Variants in NLGN1 observed in about 807,000 individuals in gnomAD.
NLGN1 encodes neuroligin-1.
In NLGN1, 12 loss-of-function variants were observed where a neutral mutation model predicts 65.5. The observed-to-expected ratio is 0.18, with a 90% CI of 0.12 to 0.30. NLGN1 has a LOEUF of 0.30. Among genes scored for constraint, NLGN1 ranks in the 10% least tolerant of loss-of-function variants. The pLI, the probability that NLGN1 is intolerant of heterozygous loss-of-function variation, is 1.00. For missense variants in NLGN1, 750 were observed against 1,007.1 expected (o/e 0.74, Z 3.46); for synonymous variants, 350 against 359.5 (o/e 0.97, Z 0.30).
chr3:173,623,666 G>T (rs1005734463), intron 3 of NLGN1, among the ~76,000 whole-genome samples: 8 of 152,066 alleles, frequency 5.3e-5, no homozygotes, highest in African/African-American at 1.9e-4. Context: ...ATTGTGAAGG[G>T]CGTTGAATGC....
intron 3 of NLGN1, among the ~76,000 whole-genome samples, chr3:173,708,481 G>A (rs544076753): frequency 2.0e-5 from 3 of 152,294 alleles, no homozygotes; most frequent in South Asian, 4.1e-4. Context: ...GTCTAGGGAC[G>A]CACACTAGTA....
intron 4 of NLGN1, among the ~76,000 whole-genome samples, chr3:173,972,096 G>A (rs1019879063): frequency 3.3e-5 from 5 of 152,034 alleles, no homozygotes; most frequent in African/African-American, 9.7e-5. Context: ...ACAGGACTAC[G>A]GGGCATAAAG....
chr3:174,058,793 C>G (rs77685292), intron 4 of NLGN1, among the ~76,000 whole-genome samples: 160 of 152,008 alleles, frequency 1.1e-3, no homozygotes, highest in African/African-American at 3.6e-3. Flanking sequence ...TGTCATTTAT[C>G]TGAGATTTTT....
intron 3 of NLGN1, among the ~76,000 whole-genome samples, chr3:173,646,719 A>G (rs1027522691): frequency 6.6e-6 from 1 of 152,202 alleles, no homozygotes; most frequent in Non-Finnish European, 1.5e-5. Flanking sequence ...AAAAAAGGAT[A>G]CAAAATGGAA....
chr3:173,616,951 T>C (rs748101319), intron 3 of NLGN1, among the ~76,000 whole-genome samples: 3 of 152,200 alleles, frequency 2.0e-5, no homozygotes, highest in Admixed American at 1.3e-4. Flanking sequence ...CTCTACGTAG[T>C]AACTCTTGTC....
At chr3:174,211,845 A>G (rs1420216763) in intron 4 of NLGN1, among the ~76,000 whole-genome samples, 1 of 152,246 alleles carries the variant, frequency 6.6e-6, no homozygotes, top group Non-Finnish European at 1.5e-5. Flanking sequence ...TGTGTTTACA[A>G]TCCCTGAGCT....
At chr3:173,500,694 G>A (rs551030949) in intron 2 of NLGN1, among the ~76,000 whole-genome samples, 1 of 152,144 alleles carries the variant, frequency 6.6e-6, no homozygotes, top group African/African-American at 2.4e-5. Flanking sequence ...GACATTTTTT[G>A]GTTGGTAAGC....
intron 1 of NLGN1, among the ~76,000 whole-genome samples, chr3:173,419,811 A>G (rs1260841695): frequency 6.6e-6 from 1 of 152,028 alleles, no homozygotes; most frequent in Non-Finnish European, 1.5e-5. Context: ...TCTATCTGGT[A>G]AAAATACAAA....
At chr3:173,962,582 T>A (rs1195291829) in intron 4 of NLGN1, among the ~76,000 whole-genome samples, 5 of 152,282 alleles carry the variant, frequency 3.3e-5, no homozygotes, top group Non-Finnish European at 5.9e-5. Flanking sequence ...GTCAAATATT[T>A]CCTAACTTAG....
chr3:173,543,310 G>T (rs534436862), intron 2 of NLGN1, among the ~76,000 whole-genome samples: 115 of 152,224 alleles, frequency 7.6e-4, no homozygotes, highest in Non-Finnish European at 1.5e-3. Flanking sequence ...TAGCAAAAAT[G>T]GATGTATTGC....
chr3:173,702,786 G>C (rs1767437399), intron 3 of NLGN1, among the ~76,000 whole-genome samples: 1 of 152,008 alleles, frequency 6.6e-6, no homozygotes, highest in Admixed American at 6.6e-5. Context: ...TGTGCAGTTA[G>C]GAGGAAAAAA....
At chr3:173,862,985 C>T (rs927535588) in intron 4 of NLGN1, among the ~76,000 whole-genome samples, 1 of 152,010 alleles carries the variant, frequency 6.6e-6, no homozygotes, top group African/African-American at 2.4e-5. Context: ...CAGAAATCAC[C>T]TTAATATAAT....
chr3:173,497,484 A>G (rs1323526302), intron 2 of NLGN1, among the ~76,000 whole-genome samples: 1 of 151,894 alleles, frequency 6.6e-6, no homozygotes, highest in Non-Finnish European at 1.5e-5. Flanking sequence ...TCACAAGATA[A>G]TTTAGACATT....
chr3:173,940,275 G>A (rs1300649742), intron 4 of NLGN1, among the ~76,000 whole-genome samples: 2 of 151,796 alleles, frequency 1.3e-5, no homozygotes, highest in African/African-American at 2.4e-5. Context: ...TTTTAGGAGA[G>A]GCAGGGTTTC....
intron 3 of NLGN1, among the ~76,000 whole-genome samples, chr3:173,617,883 C>T (rs1382325027): frequency 2.0e-5 from 3 of 152,096 alleles, no homozygotes; most frequent in African/African-American, 7.2e-5. Context: ...TCTTATTCAA[C>T]CCCAATTTCC....
At chr3:173,944,489 T>A (rs1466603258) in intron 4 of NLGN1, among the ~76,000 whole-genome samples, 2 of 152,098 alleles carry the variant, frequency 1.3e-5, no homozygotes, top group Non-Finnish European at 2.9e-5. Context: ...AAAAGTTGAC[T>A]GGATGAAATG....
Position 173,948,962 on chromosome 3 carries a change from A to T in NLGN1, c.646+141130A>T, listed in dbSNP as rs201645194. Among the ~76,000 whole-genome samples the T allele has an allele frequency of 2.2e-3, 332 of 152,168 alleles. 3 individuals carry two copies. The highest frequency in any genetic ancestry group is 0.022 in the South Asian group (105 of 4,828). ...GCAGAAGATAAAATTTAGTAAATTTAAAAAAATAATATTTTATATCCTCAA... is the reference window on the plus strand; with the variant it reads ...GCAGAAGATAAAATTTAGTAAATTTTAAAAAATAATATTTTATATCCTCAA... On this transcript the variant is annotated intron_variant, in intron 4 of 6. Transcript: ENST00000457714.
chr3:174,084,682 C>G (rs1742911398), intron 4 of NLGN1, among the ~76,000 whole-genome samples: 1 of 152,020 alleles, frequency 6.6e-6, no homozygotes. Context: ...AATAACTTCT[C>G]TGAGAAAATA....
At chr3:174,225,730 CA>C (rs746747895) in intron 4 of NLGN1, among the ~76,000 whole-genome samples, 2,233 of 102,284 alleles carry the variant, frequency 0.022, 33 homozygotes, top group African/African-American at 0.063. Context: ...GACTCCGTCT[CA>C]AAAAAAAAAA....
Sources: allele counts gnomAD v4.1 joint callset (sites outside exome capture counted in the v4.1 genomes callset), GRCh38; gene constraint gnomAD v4.1.1; transcripts MANE v1.5; gene names NCBI Gene and HGNC (gene_info 2026-07-23, HGNC 2026-07-21).